The following ARHGAP6 variants were observed in gnomAD, a reference collection of about 807,000 sequenced individuals.
ARHGAP6 encodes the protein rho GTPase-activating protein 6.
A neutral mutation model predicts 55.7 loss-of-function variants in ARHGAP6; 16 were observed. The ratio of observed to expected loss-of-function variants is 0.29; its 90% confidence interval spans 0.19 to 0.44. The LOEUF (loss-of-function observed/expected upper bound fraction) is 0.44. Ranked by LOEUF, ARHGAP6 falls within the 20% of genes least tolerant of loss-of-function variation. The pLI, the probability that ARHGAP6 is intolerant of heterozygous loss-of-function variation, is 1.00. For missense variants in ARHGAP6, 698 were observed against 808.9 expected, an observed-to-expected ratio of 0.86 and a Z score of 1.66; for synonymous variants, 382 against 360.9, an observed-to-expected ratio of 1.06 and a Z score of -0.66.
chrX:11,655,212 T>C lies in ARHGAP6; in HGVS notation c.588+9029A>G, dbSNP rs1177999038. ...TCAAAATTCATCCAAGGCATAGCAT[T>C]CATCAGTACTTCATTCCTTTTTATT... On this transcript the variant is annotated intron_variant, in intron 1 of 12. Coordinates refer to ENST00000337414, the MANE Select transcript of ARHGAP6 (RefSeq NM_013427.3). 3.6e-5 allele frequency among the ~76,000 whole-genome samples: 4 copies of C among 110,052 alleles called. No homozygotes were observed. In the Admixed American group the frequency reaches 4.0e-4, roughly 11 times the overall value.
At chrX:11,422,673 C>T (rs952826880) in intron 1 of ARHGAP6, among the ~76,000 whole-genome samples, 6 of 112,019 alleles carry the variant, frequency 5.4e-5, no homozygotes, top group African/African-American at 1.9e-4. Flanking sequence ...ATTTCACAAC[C>T]AAGTTGAGAG....
chrX:11,268,956 C>A (rs761986235), intron 1 of ARHGAP6, among the ~76,000 whole-genome samples: 5 of 111,286 alleles, frequency 4.5e-5, no homozygotes, highest in South Asian at 3.8e-4. Flanking sequence ...GGCAATATAG[C>A]CAGCGTGAAA....
At chrX:11,597,546 C>T (rs2051916638) in intron 1 of ARHGAP6, among the ~76,000 whole-genome samples, 1 of 111,807 alleles carries the variant, frequency 8.9e-6, no homozygotes, top group African/African-American at 3.2e-5. Flanking sequence ...TTAAAAATTA[C>T]TTTGAATCCC....
At chrX:11,355,282 G>T (rs887082890) in intron 1 of ARHGAP6, among the ~76,000 whole-genome samples, 2 of 112,335 alleles carry the variant, frequency 1.8e-5, no homozygotes, top group African/African-American at 6.5e-5. Flanking sequence ...ACTCTGGTCT[G>T]GAGGATACGC....
chrX:11,393,474 TTAATA>T (rs1179460581), intron 1 of ARHGAP6, among the ~76,000 whole-genome samples: 1 of 112,056 alleles, frequency 8.9e-6, no homozygotes, highest in East Asian at 2.8e-4. Flanking sequence ...CATTATGTTA[TTAATA>T]TAACTTGCAT....
At chrX:11,144,985 T>C (rs1569229213) in intron 10 of ARHGAP6, 2 of 112,486 alleles carry the variant, frequency 1.8e-5, no homozygotes, top group Admixed American at 9.4e-5. Context: ...TCATGAGTTG[T>C]CACAGAAACA....
chrX:11,433,637 GCA>G (rs994555745), intron 1 of ARHGAP6, among the ~76,000 whole-genome samples: 2 of 111,983 alleles, frequency 1.8e-5, no homozygotes, highest in African/African-American at 6.5e-5. Flanking sequence ...CTGCACAGTT[GCA>G]CAGTGTTTCA....
At chrX:11,183,794 T>C (rs1352694659) in intron 5 of ARHGAP6, among the ~76,000 whole-genome samples, 1 of 112,111 alleles carries the variant, frequency 8.9e-6, no homozygotes. Context: ...ATTACTCTGA[T>C]TGCGGTGTGA....
chrX:11,394,013 T>C (rs755090160), intron 1 of ARHGAP6, among the ~76,000 whole-genome samples: 2 of 110,941 alleles, frequency 1.8e-5, no homozygotes, highest in South Asian at 7.7e-4. Context: ...GAAGGTAGGG[T>C]GAGTAGTTGA....
chrX:11,142,150 G>A (rs2045628907), intron 12 of ARHGAP6, 83 bp downstream of exon 12: 2 of 637,040 alleles, frequency 3.1e-6, no homozygotes, highest in Admixed American at 5.9e-5. Context: ...TGTTTGACAA[G>A]CATGTAATAT....
At chrX:11,427,341 TG>T (rs2049892298) in intron 1 of ARHGAP6, among the ~76,000 whole-genome samples, 1 of 112,310 alleles carries the variant, frequency 8.9e-6, no homozygotes, top group South Asian at 3.7e-4. Flanking sequence ...AATTCAGGGT[TG>T]GGGCTCCCCT....
intron 1 of ARHGAP6, among the ~76,000 whole-genome samples, chrX:11,624,789 G>A (rs1290774247): frequency 9.0e-6 from 1 of 111,245 alleles, no homozygotes; most frequent in Non-Finnish European, 1.9e-5. Context: ...CTGACCTCGT[G>A]ATCCACCCGC....
intron 9 of ARHGAP6, among the ~76,000 whole-genome samples, chrX:11,158,431 C>G (rs1204925849): frequency 8.9e-6 from 1 of 112,211 alleles, no homozygotes; most frequent in Admixed American, 9.4e-5. Context: ...GCCATATTTG[C>G]TTGTGGATTG....
At chrX:11,583,051 A>T (rs1426187501) in intron 1 of ARHGAP6, among the ~76,000 whole-genome samples, 1 of 112,282 alleles carries the variant, frequency 8.9e-6, no homozygotes, top group Non-Finnish European at 1.9e-5. Context: ...ACAATAGCTC[A>T]AAGTTACCTT....
intron 1 of ARHGAP6, among the ~76,000 whole-genome samples, chrX:11,365,425 T>C (rs1011911362): frequency 8.9e-6 from 1 of 112,445 alleles, no homozygotes; most frequent in Non-Finnish European, 1.9e-5. Flanking sequence ...TTAAAGACAG[T>C]CATTTCTCCC....
chrX:11,613,669 A>G (rs1358422969), intron 1 of ARHGAP6, among the ~76,000 whole-genome samples: 3 of 112,185 alleles, frequency 2.7e-5, no homozygotes, highest in Admixed American at 9.4e-5. Context: ...TAATTCAACT[A>G]TAAATCTTTT....
At chrX:11,366,983 A>G (rs1357745271) in intron 1 of ARHGAP6, among the ~76,000 whole-genome samples, 1 of 111,910 alleles carries the variant, frequency 8.9e-6, no homozygotes, top group Non-Finnish European at 1.9e-5. Context: ...TTCAAAGGAG[A>G]GCAAGACATA....
At chrX:11,661,281 C>T (rs1052758516) in intron 1 of ARHGAP6, among the ~76,000 whole-genome samples, 2 of 112,378 alleles carry the variant, frequency 1.8e-5, no homozygotes, top group African/African-American at 6.5e-5. Flanking sequence ...AACTGTGTTA[C>T]CACGTACCAT....
Position 11,174,573 on chromosome X carries a change from C to CT in ARHGAP6, c.1629+3526_1629+3527insA, listed in dbSNP as rs1555964685. On this transcript the variant is annotated intron_variant, in intron 8 of 12. Coordinates refer to ENST00000337414, the MANE Select transcript of ARHGAP6 (RefSeq NM_013427.3). The stretch of plus-strand genomic sequence containing the variant: ...TCCTTCCTTCCTTCCTTCCTTCCTT[C>CT]CTTTCTTTCTTTCTTTCTTTTTCTT... 2.1e-3 allele frequency among the ~76,000 whole-genome samples: 89 copies of CT among 42,289 alleles called. 1 individual carries two copies. The highest frequency in any genetic ancestry group is 3.0e-3 in the Non-Finnish European group (70 of 23,340). The allele number at this position is 42,289 out of a possible 115,157, so 36.7% of individuals were successfully genotyped here. A position where few individuals can be genotyped will look rare whatever the true frequency, so the allele number is the denominator to read the frequency against.
Sources: allele counts gnomAD v4.1 joint callset (sites outside exome capture counted in the v4.1 genomes callset), GRCh38; gene constraint gnomAD v4.1.1; transcripts MANE v1.5; gene names NCBI Gene and HGNC (gene_info 2026-07-23, HGNC 2026-07-21).